N4BP2: variants seen among roughly 807,000 people sequenced by gnomAD.
N4BP2 encodes NEDD4 binding protein 2.
Under a neutral mutation model 152.8 loss-of-function variants are expected in N4BP2, and 91 were observed. The observed-to-expected ratio is 0.60, with a 90% CI of 0.50 to 0.71. N4BP2 has a LOEUF of 0.71. Among genes scored for constraint, N4BP2 ranks in the 30% least tolerant of loss-of-function variants. The probability of loss-of-function intolerance (pLI) is 0.00; values close to 1 mark genes in which losing one functional copy is unlikely to be tolerated. For missense variants in N4BP2, 1,923 were observed against 2,059.1 expected, an observed-to-expected ratio of 0.93 and a Z score of 1.28; for synonymous variants, 646 against 705.3, an observed-to-expected ratio of 0.92 and a Z score of 1.33.
chr4:40,161,347 G>A (rs541163800), downstream of N4BP2, among the ~76,000 whole-genome samples: 97 of 152,302 alleles, frequency 6.4e-4, no homozygotes, highest in Non-Finnish European at 1.1e-3. Context: ...GCAATTACCA[G>A]GATAGACTGG....
chr4:40,096,278 TG>T (rs1166641740), intron 2 of N4BP2, among the ~76,000 whole-genome samples: 3 of 152,030 alleles, frequency 2.0e-5, no homozygotes, highest in Non-Finnish European at 4.4e-5. Flanking sequence ...GTGGGATAAA[TG>T]GTGTTGGGGC....
chr4:40,069,012 C>T (rs761285432), intron 1 of N4BP2, among the ~76,000 whole-genome samples: 17 of 151,950 alleles, frequency 1.1e-4, no homozygotes, highest in Non-Finnish European at 1.5e-4. Flanking sequence ...CCTAGCTCCT[C>T]GGGAGGCTGA....
intron 1 of N4BP2, among the ~76,000 whole-genome samples, chr4:40,069,470 G>A (rs1427330227): frequency 6.6e-6 from 1 of 152,074 alleles, no homozygotes. Flanking sequence ...CACTTACAGC[G>A]TGGTTGAATT....
At chr4:40,108,000 T>C (rs1716487832) in intron 5 of N4BP2, among the ~76,000 whole-genome samples, 1 of 151,528 alleles carries the variant, frequency 6.6e-6, no homozygotes, top group South Asian at 2.1e-4. Context: ...CTCGGCTCAC[T>C]GCAACCTCCG....
At chr4:40,089,521 C>T (rs1350426976) in intron 2 of N4BP2, among the ~76,000 whole-genome samples, 1 of 148,896 alleles carries the variant, frequency 6.7e-6, no homozygotes, top group African/African-American at 2.5e-5. Flanking sequence ...ACTACAGCCT[C>T]TGCCTCCTGG....
chr4:40,076,070 C>T (rs1344189339), intron 2 of N4BP2, among the ~76,000 whole-genome samples: 3 of 152,208 alleles, frequency 2.0e-5, no homozygotes, highest in African/African-American at 7.2e-5. Context: ...AAGCAATCCT[C>T]CTCCTTTGGC....
chr4:40,066,021 C>T (rs1046053114), intron 1 of N4BP2, among the ~76,000 whole-genome samples: 1 of 151,818 alleles, frequency 6.6e-6, no homozygotes, highest in Non-Finnish European at 1.5e-5. Context: ...ACCTCTGCCT[C>T]CTGGGTTCAA....
At chr4:40,181,007 G>A in the N4BP2 span, among the ~76,000 whole-genome samples, 7 of 152,170 alleles carry the variant, frequency 4.6e-5, no homozygotes, top group South Asian at 2.1e-4. Context: ...AAAATTAGCC[G>A]GGCATGGTGG....
At chr4:40,110,735 A>G (rs1169612621) in intron 5 of N4BP2, among the ~76,000 whole-genome samples, 1 of 152,076 alleles carries the variant, frequency 6.6e-6, no homozygotes, top group African/African-American at 2.4e-5. Context: ...ACGGGGTTTC[A>G]CTGTGTTGGC....
chr4:40,186,225 A>T, the N4BP2 span, among the ~76,000 whole-genome samples: 1 of 151,518 alleles, frequency 6.6e-6, no homozygotes, highest in Non-Finnish European at 1.5e-5. Flanking sequence ...AATGAGGAAG[A>T]TGACTTTGCT....
the N4BP2 span, among the ~76,000 whole-genome samples, chr4:40,165,044 A>T: frequency 1.3e-5 from 2 of 152,002 alleles, no homozygotes; most frequent in African/African-American, 4.8e-5. Flanking sequence ...TTCAAAAATA[A>T]TTTTTGGCAG....
At chr4:40,074,265 A>G (rs576112871) in intron 2 of N4BP2, among the ~76,000 whole-genome samples, 1 of 64,542 alleles carries the variant, frequency 1.5e-5, no homozygotes, top group Non-Finnish European at 4.3e-5. Context: ...TAATTTTTGT[A>G]TTTTTAGTAG....
At chr4:40,150,131 T>G (rs1721007743) in intron 16 of N4BP2, among the ~76,000 whole-genome samples, 1 of 152,204 alleles carries the variant, frequency 6.6e-6, no homozygotes, top group African/African-American at 2.4e-5. Context: ...CATTGCCTTT[T>G]GACATAAGAT....
In N4BP2 at chr4:40,102,228, C is replaced by A; in HGVS notation, c.383C>A (p.Ser128Ter). ...EKRPEEESED[S>*]KMDSFLDMQL... ...CGTCCTGAAGAAGAGAGTGAAGATT[C>A]AAAAATGGATTCATTTTTGGACATG... Residue 128 changes from serine to a stop codon, truncating the protein, a stop_gained, in exon 4 of 18, where the codon TCA (serine) becomes TAA (stop). Coordinates refer to ENST00000261435, the MANE Select transcript of N4BP2 (RefSeq NM_018177.6). LOFTEE classifies it high-confidence loss of function. 1.2e-6 allele frequency: 2 copies of A among 1,613,938 alleles called. No individual in the cohort carries two copies. Among genetic ancestry groups the A allele is most frequent in the South Asian group, 1.1e-5 (1 of 91,064 alleles).
intron 1 of N4BP2, among the ~76,000 whole-genome samples, chr4:40,072,730 T>A (rs1349177505): frequency 7.2e-6 from 1 of 138,998 alleles, no homozygotes; most frequent in Non-Finnish European, 1.6e-5. Flanking sequence ...TTTGTGGGAC[T>A]TTTTTTTTTT....
chr4:40,121,883 ACTC>A lies in N4BP2; in HGVS notation c.3775_3777del (p.Pro1259del). 1 of 1,609,180 alleles carries A rather than the reference ACTC, an allele frequency of 6.2e-7. No homozygotes were observed. The highest frequency in any genetic ancestry group is 8.5e-7 in the Non-Finnish European group (1 of 1,178,850). Reference sequence around the variant, plus strand: ...CTTTCCAGGTATTCTAAAAGCTACTACTCCTAAAGATATGAGTGAAACAGAAAA... The same window carrying A: ...CTTTCCAGGTATTCTAAAAGCTACTACTAAAGATATGAGTGAAACAGAAAA... On this transcript the variant is annotated inframe_deletion, in exon 9 of 18. Transcript: ENST00000261435.
At chr4:40,096,792 A>C (rs1560588301) in intron 2 of N4BP2, among the ~76,000 whole-genome samples, 1 of 152,142 alleles carries the variant, frequency 6.6e-6, no homozygotes, top group Non-Finnish European at 1.5e-5. Context: ...GTCAAGGATT[A>C]TTCCAAGATT....
intron 2 of N4BP2, among the ~76,000 whole-genome samples, chr4:40,074,632 T>C (rs1228226066): frequency 3.3e-5 from 5 of 152,212 alleles, no homozygotes; most frequent in Admixed American, 3.3e-4. Context: ...GTATAAGACA[T>C]GTTGACTGAG....
intron 2 of N4BP2, among the ~76,000 whole-genome samples, chr4:40,082,275 C>CCAA (rs1553919143): frequency 1.1e-5 from 1 of 95,056 alleles, no homozygotes; most frequent in Non-Finnish European, 2.0e-5. Context: ...GACCCTGTCT[C>CCAA]AAAAAAAAAA....
Sources: gnomAD v4.1 joint callset for allele counts (sites outside exome capture counted in the v4.1 genomes callset) on GRCh38, gnomAD v4.1.1 for gene constraint, MANE v1.5 for transcripts, NCBI Gene and HGNC (gene_info 2026-07-23, HGNC 2026-07-21) for gene names.